KIRREL3: variants seen among roughly 807,000 people sequenced by gnomAD.
KIRREL3 encodes kirre like nephrin family adhesion molecule 3, also known as kin of IRRE-like protein 3.
KIRREL3 carries 36 observed loss-of-function variants against 89.7 expected under a neutral mutation model. That is an observed-to-expected ratio of 0.40 (90% CI 0.31 to 0.53). The LOEUF (loss-of-function observed/expected upper bound fraction) is 0.53. Among genes scored for constraint, KIRREL3 ranks in the 20% least tolerant of loss-of-function variants. The pLI, the probability that KIRREL3 is intolerant of heterozygous loss-of-function variation, is 0.49. For synonymous variants in KIRREL3, 445 were observed against 441.4 expected, an observed-to-expected ratio of 1.01 and a Z score of -0.10; for missense variants, 864 against 1,056.6, an observed-to-expected ratio of 0.82 and a Z score of 2.53.
chr11:126,447,949 G>A (rs760737963), intron 8 of KIRREL3, among the ~76,000 whole-genome samples: 1 of 152,208 alleles, frequency 6.6e-6, no homozygotes, highest in Non-Finnish European at 1.5e-5. Flanking sequence ...CTAGTCCATG[G>A]CAGTGCGCTG....
intron 1 of KIRREL3, among the ~76,000 whole-genome samples, chr11:126,938,299 A>G (rs918457093): frequency 8.5e-5 from 13 of 152,230 alleles, no homozygotes; most frequent in Admixed American, 5.9e-4. Context: ...CAACCACAAA[A>G]GCCACCTATT....
rs1432748381 is a variant in KIRREL3, at chr11:126,655,857, T to C, written c.56-92945A>G. 6.6e-6 allele frequency among the ~76,000 whole-genome samples: 1 copy of C among 152,234 alleles called. No homozygotes were observed. The highest frequency in any genetic ancestry group is 2.4e-5 in the African/African-American group (1 of 41,478). ...ACAGCAGGGCAGCAACAGTCAGTTC[T>C]TGTCTGGCTTTCCAGGACAACGTGA... On this transcript the variant is annotated intron_variant, in intron 1 of 16. Coordinates refer to ENST00000525144, the MANE Select transcript of KIRREL3 (RefSeq NM_032531.4). This position sits in a 1 kb window ranked among gnomAD's most constrained non-coding sequence, Gnocchi z 5.0.
rs1948801749 is a variant in KIRREL3 at position 126,736,429 on chromosome 11, G to C, written c.56-173517C>G. ...AGGTCCCCGTGACATTTCAACCCAA[G>C]CTGTTTTTGGTGTTCATATCACTTT... is the stretch of plus-strand genomic sequence containing the variant. On this transcript the variant is annotated intron_variant, in intron 1 of 16. Transcript: ENST00000525144. This position sits in a 1 kb window ranked among gnomAD's most constrained non-coding sequence, Gnocchi z 5.0. Among the ~76,000 whole-genome samples the C allele has an allele frequency of 6.6e-6, 1 of 152,146 alleles. No individual in the cohort carries two copies. Among genetic ancestry groups the C allele is most frequent in the Non-Finnish European group, 1.5e-5 (1 of 68,040 alleles).
intron 1 of KIRREL3, among the ~76,000 whole-genome samples, chr11:126,930,257 TG>T (rs1416476786): frequency 2.3e-5 from 3 of 132,784 alleles, no homozygotes; most frequent in Non-Finnish European, 5.2e-5. Context: ...GCTAAACCCT[TG>T]ACATGTTACT....
chr11:126,671,629 C>A (rs1224158069), intron 1 of KIRREL3, among the ~76,000 whole-genome samples: 1 of 151,348 alleles, frequency 6.6e-6, no homozygotes, highest in Admixed American at 6.6e-5. Flanking sequence ...GAGATCTGAA[C>A]AGACACTTCA....
rs114042615 is a variant in KIRREL3 at position 126,970,172 on chromosome 11, A to G, written c.55+30283T>C. Among the ~76,000 whole-genome samples, 1,323 of 152,186 alleles carry G rather than the reference A, an allele frequency of 8.7e-3. 24 individuals are homozygous for G. Among genetic ancestry groups the G allele is most frequent in the African/African-American group, 0.031 (1,273 of 41,510 alleles). ...CATTTGAAAAATTCTTTCTTCTTTC[A>G]GTTTTTCGCTCTTCACAGCTCAGTT... is the stretch of plus-strand genomic sequence containing the variant. On this transcript the variant is annotated intron_variant, in intron 1 of 16. Coordinates refer to ENST00000525144, the MANE Select transcript of KIRREL3 (RefSeq NM_032531.4). This position sits in a 1 kb window ranked among gnomAD's most constrained non-coding sequence, Gnocchi z 4.4.
At chr11:126,638,182 C>T (rs951252768) in intron 1 of KIRREL3, among the ~76,000 whole-genome samples, 1 of 152,210 alleles carries the variant, frequency 6.6e-6, no homozygotes, top group Admixed American at 6.5e-5. Context: ...GCACTGACTT[C>T]TCAGAATTTG....
intron 4 of KIRREL3, among the ~76,000 whole-genome samples, chr11:126,503,636 A>G (rs1957932350): frequency 6.6e-6 from 1 of 152,122 alleles, no homozygotes; most frequent in South Asian, 2.1e-4. Flanking sequence ...CAGTTAATAT[A>G]TTGCAACTCT....
At chr11:126,440,096 G>A in intron 11 of KIRREL3, 2 of 469,818 alleles carry the variant, frequency 4.3e-6, no homozygotes, top group South Asian at 3.6e-5. Context: ...TGCGCTCTAA[G>A]ATTTTGCTAA....
intron 1 of KIRREL3, among the ~76,000 whole-genome samples, chr11:126,804,328 G>A (rs1192135607): frequency 2.0e-5 from 3 of 152,196 alleles, no homozygotes; most frequent in South Asian, 2.1e-4. Flanking sequence ...TGGCAGAGGC[G>A]AGAGTGGAGA....
chr11:126,602,672 T>A (rs1246272503), intron 1 of KIRREL3, among the ~76,000 whole-genome samples: 1 of 152,168 alleles, frequency 6.6e-6, no homozygotes, highest in Non-Finnish European at 1.5e-5. Context: ...GTTGAAGCCC[T>A]GCCCCAGCTG....
intron 12 of KIRREL3, among the ~76,000 whole-genome samples, 172 bp downstream of exon 12, chr11:126,436,639 C>G (rs1955346737): frequency 6.6e-6 from 1 of 152,224 alleles, no homozygotes; most frequent in Admixed American, 6.5e-5. Flanking sequence ...TCAGCGAGAG[C>G]CTGGCTGAGG....
In KIRREL3 at chr11:126,681,938, G is replaced by A. The variant is rs371449017; in HGVS notation, c.56-119026C>T. ...CAGAAAGATTTTTCAGAATTTTTCA[G>A]CAACAGATTTTACACACAATTCAGA... is the stretch of plus-strand genomic sequence containing the variant. On this transcript the variant is annotated intron_variant, in intron 1 of 16. Coordinates refer to ENST00000525144, the MANE Select transcript of KIRREL3 (RefSeq NM_032531.4). The A allele has an allele frequency of 4.4e-6, 2 of 453,696 alleles. 1 individual carries two copies. Among genetic ancestry groups the A allele is most frequent in the South Asian group, 3.1e-5 (2 of 63,990 alleles). The allele number at this position is 453,696 out of a possible 1,614,324, so 28.1% of individuals were successfully genotyped here.
intron 1 of KIRREL3, among the ~76,000 whole-genome samples, chr11:126,958,560 T>C (rs1425285801): frequency 6.6e-6 from 1 of 152,232 alleles, no homozygotes; most frequent in Non-Finnish European, 1.5e-5. Context: ...TATCCAGGGA[T>C]ATGCCTGCCT....
At chr11:126,902,031 C>A (rs1485467375) in intron 1 of KIRREL3, among the ~76,000 whole-genome samples, 1 of 152,180 alleles carries the variant, frequency 6.6e-6, no homozygotes, top group Non-Finnish European at 1.5e-5. Context: ...AGGAGAATGA[C>A]TAACACCCCC....
Position 126,901,400 on chromosome 11 carries a change from G to T in KIRREL3, c.55+99055C>A, listed in dbSNP as rs931346581. ...GTCCCTTCTTCCTTGGGGAGCAGGG[G>T]GTTTCTTGGAGAGGAGATAGTTAGT... is the stretch of plus-strand genomic sequence containing the variant. On this transcript the variant is annotated intron_variant, in intron 1 of 16. Transcript: ENST00000525144. 1.2e-4 allele frequency among the ~76,000 whole-genome samples: 18 copies of T among 152,256 alleles called. No individual in the cohort carries two copies. The South Asian group carries it at 2.1e-3, about 18-fold the overall frequency.
chr11:126,450,261 CTG>C (rs780142889), intron 7 of KIRREL3, among the ~76,000 whole-genome samples: 2 of 146,592 alleles, frequency 1.4e-5, no homozygotes, highest in Admixed American at 6.8e-5. Flanking sequence ...GTGAGTGTGC[CTG>C]TGTGTGCATG....
intron 9 of KIRREL3, among the ~76,000 whole-genome samples, chr11:126,445,648 T>G (rs193009616): frequency 6.6e-6 from 1 of 152,330 alleles, no homozygotes; most frequent in East Asian, 1.9e-4. Context: ...CACCTGTGTC[T>G]CTTTGGTCAG....
At chr11:126,820,291 T>G (rs1353332113) in intron 1 of KIRREL3, among the ~76,000 whole-genome samples, 1 of 137,090 alleles carries the variant, frequency 7.3e-6, no homozygotes, top group East Asian at 2.3e-4. Flanking sequence ...ACTTTCTGAA[T>G]GAAGCTTTGT....
Sources: allele counts gnomAD v4.1 joint callset (sites outside exome capture counted in the v4.1 genomes callset), GRCh38; gene constraint gnomAD v4.1.1; non-coding constraint Gnocchi (gnomAD v3.1); transcripts MANE v1.5; gene names NCBI Gene and HGNC (gene_info 2026-07-23, HGNC 2026-07-21).